The following TPX2 variants were observed in gnomAD, a reference collection of about 807,000 sequenced individuals.
The protein encoded by TPX2 is targeting protein for Xklp2.
TPX2 carries 21 observed loss-of-function variants against 93.6 expected under a neutral mutation model. The observed-to-expected ratio is 0.22, with a 90% CI of 0.16 to 0.32. The LOEUF (loss-of-function observed/expected upper bound fraction) is 0.32, where lower values mean the gene tolerates loss of function less well. Ranked by LOEUF, TPX2 falls within the 10% of genes least tolerant of loss-of-function variation. The pLI, the probability that TPX2 is intolerant of heterozygous loss-of-function variation, is 1.00. For missense variants in TPX2, 776 were observed against 871.1 expected, an observed-to-expected ratio of 0.89 and a Z score of 1.37; for synonymous variants, 281 against 298.3, an observed-to-expected ratio of 0.94 and a Z score of 0.60.
chr20:31,795,999 G>C (rs2062136971), intron 15 of TPX2, among the ~76,000 whole-genome samples: 1 of 152,162 alleles, frequency 6.6e-6, no homozygotes, highest in South Asian at 2.1e-4. Context: ...TTGGTCCCCT[G>C]TTAGTGTGGT....
At chr20:31,777,780 CTTTT>C in intron 9 of TPX2, 142 bp downstream of exon 9, 2 of 654,768 alleles carry the variant, frequency 3.1e-6, no homozygotes, top group Non-Finnish European at 4.4e-6. Flanking sequence ...TATAACAGAT[CTTTT>C]TTTTTTTTTG....
intron 11 of TPX2, among the ~76,000 whole-genome samples, chr20:31,783,342 C>T (rs1382890462): frequency 6.6e-6 from 1 of 152,058 alleles, no homozygotes; most frequent in Non-Finnish European, 1.5e-5. Flanking sequence ...CCTCCGCCTC[C>T]TGGGTTCAAG....
At position 31,801,148 on chromosome 20, in the gene TPX2, C is replaced by T. The variant is rs1341992438; in HGVS notation, c.*68C>T. 1.4e-6 allele frequency: 2 copies of T among 1,424,438 alleles called. No individual in the cohort carries two copies. The highest frequency in any genetic ancestry group is 2.0e-6 in the Non-Finnish European group (2 of 1,009,164). The allele number at this position is 1,424,438 out of a possible 1,614,324, so 88.2% of individuals were successfully genotyped here. A position where few individuals can be genotyped will look rare whatever the true frequency, so the allele number is the denominator to read the frequency against. On this transcript the variant is annotated 3_prime_UTR_variant, in exon 18 of 18. Transcript: ENST00000300403. The stretch of plus-strand genomic sequence containing the variant: ...CTCTTAACCTCAAACCTAGGACCGT[C>T]TTGCTTTGTCATTGGGCATGGAGAG...
intron 6 of TPX2, among the ~76,000 whole-genome samples, chr20:31,770,686 A>T (rs1191611383): frequency 6.6e-6 from 1 of 152,230 alleles, no homozygotes; most frequent in African/African-American, 2.4e-5. Flanking sequence ...GGGCACTCAC[A>T]TCTTAGTTGG....
chr20:31,764,672 A>G (rs2061912965), intron 4 of TPX2, among the ~76,000 whole-genome samples: 4 of 152,138 alleles, frequency 2.6e-5, no homozygotes, highest in Admixed American at 2.6e-4. Context: ...GCTGCATTTT[A>G]ATTGGAATAA....
chr20:31,774,308 A>G (rs978679508), intron 7 of TPX2, among the ~76,000 whole-genome samples: 1 of 152,174 alleles, frequency 6.6e-6, no homozygotes, highest in Non-Finnish European at 1.5e-5. Context: ...CCCAACCCCC[A>G]GCATCAAATT....
At chr20:31,776,041 T>C (rs1600379704) in intron 8 of TPX2, 53 bp downstream of exon 8, 2 of 792,644 alleles carry the variant, frequency 2.5e-6, no homozygotes, top group South Asian at 4.4e-5. Flanking sequence ...CTTAACACTC[T>C]TGGTAGGTGT....
At chr20:31,762,616 CT>C (rs1251006044) in intron 4 of TPX2, among the ~76,000 whole-genome samples, 1 of 152,044 alleles carries the variant, frequency 6.6e-6, no homozygotes, top group Non-Finnish European at 1.5e-5. Flanking sequence ...TCCCAAAGTG[CT>C]GGGATTAGAG....
chr20:31,747,789 T>C (rs2061793639), intron 2 of TPX2, among the ~76,000 whole-genome samples: 1 of 149,950 alleles, frequency 6.7e-6, no homozygotes, highest in African/African-American at 2.5e-5. Context: ...TTTTTTTTTT[T>C]GGTGAGACCT....
chr20:31,742,487 T>G (rs181114362), intron 1 of TPX2, 54 bp from the exon 2 acceptor site: 1 of 152,328 alleles, frequency 6.6e-6, no homozygotes, highest in Non-Finnish European at 1.5e-5. Flanking sequence ...CTGTTAACCC[T>G]TTTTTACTAC....
In TPX2 at chr20:31,782,264, A is replaced by G. The variant is rs1372311072; in HGVS notation, c.1070A>G (p.Lys357Arg). Residue 357 changes from lysine (K) to arginine (R), a missense_variant, in exon 11 of 18, where the codon AAA becomes AGA. This residue lies in a region of TPX2 where 461 missense variants were observed against 551.2 expected (regional missense o/e 0.84). Coordinates refer to ENST00000300403, the MANE Select transcript of TPX2 (RefSeq NM_012112.5). ...KKDDINLLPS[K>R]SSVTKICRDP... is the part of the protein sequence containing the mutation. ...CTGTTTACAGACCTGTTACCCTCCAAATCTTCTGTGACCAAGATTTGCAGA... is the reference window on the plus strand; with the variant it reads ...CTGTTTACAGACCTGTTACCCTCCAGATCTTCTGTGACCAAGATTTGCAGA... 4.3e-6 allele frequency: 7 copies of G among 1,612,054 alleles called. No homozygotes were observed. Among genetic ancestry groups the G allele is most frequent in the Middle Eastern group, 1.7e-4 (1 of 6,056 alleles).
At chr20:31,740,378 G>A (rs1157331256) in intron 1 of TPX2, among the ~76,000 whole-genome samples, 1 of 152,156 alleles carries the variant, frequency 6.6e-6, no homozygotes, top group East Asian at 1.9e-4. Context: ...GTCAAAAATA[G>A]GACTACTTGC....
chr20:31,799,848 C>T (rs1182651799), intron 17 of TPX2, among the ~76,000 whole-genome samples: 5 of 141,716 alleles, frequency 3.5e-5, no homozygotes, highest in African/African-American at 1.3e-4. Flanking sequence ...TGCAGTGAGC[C>T]GATTGTGCCA....
chr20:31,801,187 A>G lies in TPX2; in HGVS notation c.*107A>G, dbSNP rs749959218. 1.0e-5 allele frequency: 10 copies of G among 963,906 alleles called. No individual in the cohort carries two copies. In the East Asian group the frequency reaches 2.2e-4, roughly 21 times the overall value. The allele number at this position is 963,906 out of a possible 1,614,324, so 59.7% of individuals were successfully genotyped here. ...GGGCATGGAGAGAACCCATTTCTCCAGACTTTTACCTACCCGTGCCTGAGA... is the reference window on the plus strand; with the variant it reads ...GGGCATGGAGAGAACCCATTTCTCCGGACTTTTACCTACCCGTGCCTGAGA... On this transcript the variant is annotated 3_prime_UTR_variant, in exon 18 of 18. Coordinates refer to ENST00000300403, the MANE Select transcript of TPX2 (RefSeq NM_012112.5).
intron 1 of TPX2, among the ~76,000 whole-genome samples, chr20:31,739,959 G>C (rs1427996398): frequency 6.6e-6 from 1 of 151,912 alleles, no homozygotes; most frequent in African/African-American, 2.4e-5. Context: ...TTGAGGGAGA[G>C]TTTAAGTCCA....
chr20:31,786,839 G>T (rs543526613), intron 12 of TPX2, among the ~76,000 whole-genome samples: 1 of 152,272 alleles, frequency 6.6e-6, no homozygotes, highest in South Asian at 2.1e-4. Context: ...TAGAGTAGTT[G>T]GGTACCAGGT....
intron 2 of TPX2, among the ~76,000 whole-genome samples, chr20:31,756,768 C>T (rs1159198304): frequency 3.3e-5 from 5 of 151,906 alleles, no homozygotes; most frequent in African/African-American, 7.2e-5. Flanking sequence ...GAATTACAGG[C>T]GCCTGCCACC....
chr20:31,765,779 A>T (rs962461248), intron 4 of TPX2, among the ~76,000 whole-genome samples: 1 of 152,216 alleles, frequency 6.6e-6, no homozygotes, highest in Non-Finnish European at 1.5e-5. Flanking sequence ...CCACATAAAG[A>T]TGATTCTGAC....
chr20:31,774,396 G>A lies in TPX2; in HGVS notation c.609-1471G>A, dbSNP rs1215689360. On this transcript the variant is annotated intron_variant, in intron 7 of 17. Transcript: ENST00000300403. ...AACATTTTTCCATATTTCCTCTTGG[G>A]TGAATTATCTGTTTCCTTTTTATTT... 2.0e-5 allele frequency among the ~76,000 whole-genome samples: 3 copies of A among 152,002 alleles called. No homozygotes were observed. The South Asian group carries it at 6.2e-4, about 32-fold the overall frequency.
Sources: allele counts gnomAD v4.1 joint callset (sites outside exome capture counted in the v4.1 genomes callset), GRCh38; gene constraint gnomAD v4.1.1; regional missense constraint gnomAD v4.1.1; transcripts MANE v1.5; gene names NCBI Gene and HGNC (gene_info 2026-07-23, HGNC 2026-07-21).